The following ARNT2 variants were observed in gnomAD, a reference collection of about 807,000 sequenced individuals.
ARNT2 encodes aryl hydrocarbon receptor nuclear translocator 2.
ARNT2 carries 36 observed loss-of-function variants against 91.7 expected under a neutral mutation model. The observed-to-expected ratio is 0.39, with a 90% CI of 0.30 to 0.52. The LOEUF (loss-of-function observed/expected upper bound fraction) is 0.52. ARNT2 is among the 20% of genes least tolerant of loss of function. The pLI is 0.72. For synonymous variants in ARNT2, 365 were observed against 347.1 expected (o/e 1.05, Z -0.57); for missense variants, 775 against 939.3 (o/e 0.83, Z 2.29).
chr15:80,588,211 C>T (rs995468654), intron 17 of ARNT2, among the ~76,000 whole-genome samples: 1 of 151,758 alleles, frequency 6.6e-6, no homozygotes, highest in Non-Finnish European at 1.5e-5. Context: ...TCTTCCCACT[C>T]ACACCCCTCA....
chr15:80,437,962 G>A (rs985600464), intron 1 of ARNT2, among the ~76,000 whole-genome samples: 2 of 70,528 alleles, frequency 2.8e-5, no homozygotes, highest in African/African-American at 8.0e-5. Context: ...CACACACACA[G>A]AGTCTCTTTC....
At chr15:80,507,608 G>A (rs1375035585) in intron 5 of ARNT2, among the ~76,000 whole-genome samples, 3 of 152,172 alleles carry the variant, frequency 2.0e-5, no homozygotes, top group African/African-American at 7.2e-5. Flanking sequence ...AAACCTGGGT[G>A]TGGATAAAAT....
At chr15:80,470,482 A>C (rs1471353699) in intron 4 of ARNT2, 51 bp downstream of exon 4, 2 of 1,583,830 alleles carry the variant, frequency 1.3e-6, no homozygotes, top group South Asian at 1.1e-5. Context: ...TCCCAGCGTC[A>C]CCAAGACGAA....
At chr15:80,465,056 G>A (rs570318019) in intron 3 of ARNT2, among the ~76,000 whole-genome samples, 4 of 152,330 alleles carry the variant, frequency 2.6e-5, no homozygotes, top group African/African-American at 9.6e-5. Context: ...CCCTAGTAGG[G>A]GAAGACGGGG....
intron 2 of ARNT2, among the ~76,000 whole-genome samples, chr15:80,455,079 T>C (rs1206747082): frequency 6.6e-6 from 1 of 152,124 alleles, no homozygotes; most frequent in Non-Finnish European, 1.5e-5. Flanking sequence ...TTACTTAGAC[T>C]TATAGAAAAG....
At chr15:80,425,127 A>G (rs1307250613) in intron 1 of ARNT2, among the ~76,000 whole-genome samples, 2 of 152,228 alleles carry the variant, frequency 1.3e-5, no homozygotes, top group Non-Finnish European at 2.9e-5. Context: ...GTTTTATCGA[A>G]GAGCTGCTCA....
rs1898687691 is a variant in ARNT2, at chr15:80,576,953, G to A, written c.1601G>A (p.Gly534Glu). ...AGCCCATTTCCCTCTGGACACTCCG[G>A]GAAGGCCTTCAGGTATGTGCCAGCG... is the stretch of plus-strand genomic sequence containing the variant. Reference protein sequence around the residue: ...QGSPFPSGHSGKAFSSSVVHV... With the variant: ...QGSPFPSGHSEKAFSSSVVHV... The change falls in exon 15 of 19, where the codon GGG becomes GAG. Residue 534 changes from glycine to glutamate, a missense_variant. By Grantham distance (98) the Gly-to-Glu change is moderately conservative. Around this residue, in one of 5 missense-constraint regions of ARNT2, gnomAD observed 325 missense variants for 359.9 expected, o/e 0.90. Transcript: ENST00000303329. 2 of 1,614,060 alleles carry A rather than the reference G, an allele frequency of 1.2e-6. No individual in the cohort carries two copies. The highest frequency in any genetic ancestry group is 2.2e-5 in the South Asian group (2 of 91,084).
At chr15:80,560,357 G>T (rs1567001591) in intron 11 of ARNT2, among the ~76,000 whole-genome samples, 1 of 152,184 alleles carries the variant, frequency 6.6e-6, no homozygotes, top group African/African-American at 2.4e-5. Context: ...CAACTCCTTT[G>T]AGGCTCAGTT....
chr15:80,434,094 T>C (rs904471964), intron 1 of ARNT2: 1 of 152,240 alleles, frequency 6.6e-6, no homozygotes, highest in African/African-American at 2.4e-5. Flanking sequence ...GAGTGACATC[T>C]TTAAGTTTTA....
chr15:80,494,522 G>A (rs1303526107), intron 5 of ARNT2, among the ~76,000 whole-genome samples: 3 of 152,180 alleles, frequency 2.0e-5, no homozygotes, highest in Non-Finnish European at 2.9e-5. Flanking sequence ...TCACACTTCA[G>A]CATATTCTAA....
chr15:80,527,760 A>T (rs1411530550), intron 8 of ARNT2, among the ~76,000 whole-genome samples: 1 of 152,228 alleles, frequency 6.6e-6, no homozygotes, highest in Admixed American at 6.5e-5. Context: ...TTGCAAAACT[A>T]GGCTTTTTGA....
intron 1 of ARNT2, among the ~76,000 whole-genome samples, chr15:80,423,955 T>A (rs1460783895): frequency 6.6e-6 from 1 of 152,214 alleles, no homozygotes; most frequent in Non-Finnish European, 1.5e-5. Flanking sequence ...TAGCAGTTAC[T>A]TAAGGCACTG....
intron 5 of ARNT2, among the ~76,000 whole-genome samples, chr15:80,482,010 G>C (rs1219592405): frequency 2.0e-5 from 3 of 152,206 alleles, no homozygotes; most frequent in Admixed American, 6.5e-5. Context: ...AGGGTCCCAA[G>C]CATTTCTCCC....
At chr15:80,547,670 C>T (rs1898012339) in intron 8 of ARNT2, among the ~76,000 whole-genome samples, 1 of 152,126 alleles carries the variant, frequency 6.6e-6, no homozygotes, top group Non-Finnish European at 1.5e-5. Context: ...TATTTGTTGT[C>T]AGTGGTAAAA....
chr15:80,544,598 G>C (rs1349700407), intron 8 of ARNT2, among the ~76,000 whole-genome samples: 4 of 152,196 alleles, frequency 2.6e-5, no homozygotes, highest in Non-Finnish European at 5.9e-5. Context: ...ATGGGGAACT[G>C]TCAGCATAAC....
Position 80,453,375 on chromosome 15 carries a change from C to T in ARNT2, c.146+2381C>T, listed in dbSNP as rs183945784. 2.2e-4 allele frequency among the ~76,000 whole-genome samples: 33 copies of T among 152,230 alleles called. 1 individual carries two copies. In the East Asian group the frequency reaches 4.3e-3, roughly 20 times the overall value. On this transcript the variant is annotated intron_variant, in intron 2 of 18. Transcript: ENST00000303329. Reference sequence around the variant, plus strand: ...CTCACTCCTACTTCCTTTTCCCTGCCGGAGGGAGGGGGCACACAAACCATG... The same window carrying T: ...CTCACTCCTACTTCCTTTTCCCTGCTGGAGGGAGGGGGCACACAAACCATG...
chr15:80,505,787 C>A (rs1462636571), intron 5 of ARNT2, among the ~76,000 whole-genome samples: 1 of 152,070 alleles, frequency 6.6e-6, no homozygotes, highest in Non-Finnish European at 1.5e-5. Context: ...GAAAGGGCAG[C>A]TTTGGACAGG....
rs141890363 is a variant in ARNT2, at chr15:80,527,148, G to C, written c.877+12743G>C. 3.3e-3 allele frequency among the ~76,000 whole-genome samples: 497 copies of C among 152,324 alleles called. 8 individuals carry two copies. Among genetic ancestry groups the C allele is most frequent in the Admixed American group, 0.022 (344 of 15,304 alleles). ...CAGGGCAAAGCCACTCTTCCATTTT[G>C]TTCCATAAATACTTTCTGAGCTCTT... is the stretch of plus-strand genomic sequence containing the variant. On this transcript the variant is annotated intron_variant, in intron 8 of 18. Coordinates refer to ENST00000303329, the MANE Select transcript of ARNT2 (RefSeq NM_014862.4).
chr15:80,580,661 C>T, intron 16 of ARNT2, 112 bp downstream of exon 16: 1 of 1,403,004 alleles, frequency 7.1e-7, no homozygotes. Context: ...TAGCTGGAAC[C>T]AACCACCCTA....
Sources: gnomAD v4.1 joint callset for allele counts (sites outside exome capture counted in the v4.1 genomes callset) on GRCh38, gnomAD v4.1.1 for gene constraint, gnomAD v4.1.1 regional missense constraint, MANE v1.5 for transcripts, NCBI Gene and HGNC (gene_info 2026-07-23, HGNC 2026-07-21) for gene names.